Variants in DPP6 observed in about 807,000 individuals in gnomAD.
The protein encoded by DPP6 is A-type potassium channel modulatory protein DPP6.
DPP6 carries 69 observed loss-of-function variants against 122.6 expected under a neutral mutation model. The ratio of observed to expected loss-of-function variants is 0.56; its 90% CI spans 0.46 to 0.69. DPP6 has a LOEUF of 0.69. DPP6 is among the 30% of genes least tolerant of loss of function. DPP6 has a pLI of 0.00. For missense variants in DPP6, 928 were observed against 1,116.9 expected (o/e 0.83, Z 2.41); for synonymous variants, 418 against 433.1 (o/e 0.97, Z 0.43).
chr7:154,634,575 G>GTTT (rs1835612608), intron 5 of DPP6, among the ~76,000 whole-genome samples: 1 of 151,956 alleles, frequency 6.6e-6, no homozygotes, highest in East Asian at 1.9e-4. Context: ...GTTTGGTTTG[G>GTTT]GGGTTTCTTG....
chr7:154,229,596 A>C (rs1388063823), intron 1 of DPP6, among the ~76,000 whole-genome samples: 1 of 152,238 alleles, frequency 6.6e-6, no homozygotes, highest in Non-Finnish European at 1.5e-5. Context: ...CTTCAGCATC[A>C]TCTTGTCTCC....
At chr7:154,232,872 G>A (rs777967872) in intron 1 of DPP6, among the ~76,000 whole-genome samples, 37 of 152,184 alleles carry the variant, frequency 2.4e-4, no homozygotes, top group Non-Finnish European at 4.7e-4. Flanking sequence ...CGGGAGGAAC[G>A]CAGATGGAAA....
chr7:154,613,901 A>G (rs987278259), intron 5 of DPP6, among the ~76,000 whole-genome samples: 2 of 152,206 alleles, frequency 1.3e-5, no homozygotes, highest in African/African-American at 2.4e-5. Context: ...TCAGCATGCA[A>G]CCACATGGCC....
intron 5 of DPP6, among the ~76,000 whole-genome samples, chr7:154,608,319 TCATATATATA>T (rs1833687440): frequency 1.2e-5 from 1 of 81,298 alleles, no homozygotes; most frequent in Admixed American, 1.5e-4. Flanking sequence ...TTAGGAGTGA[TCATATATATA>T]TATATATATA....
At chr7:153,773,007 G>T in the DPP6 span, among the ~76,000 whole-genome samples, 1 of 106,390 alleles carries the variant, frequency 9.4e-6, no homozygotes. Flanking sequence ...TAAAAGAAAA[G>T]ACATATATTA....
the DPP6 span, among the ~76,000 whole-genome samples, chr7:153,824,284 G>C: frequency 1.4e-4 from 21 of 151,542 alleles, no homozygotes; most frequent in Non-Finnish European, 2.6e-4. Flanking sequence ...CTACTGGGGA[G>C]GCTGAGGCAA....
chr7:153,848,100 G>A, the DPP6 span, among the ~76,000 whole-genome samples: 2 of 152,150 alleles, frequency 1.3e-5, no homozygotes, highest in Non-Finnish European at 2.9e-5. Flanking sequence ...AGGGGACCGG[G>A]CCACTCAGAC....
chr7:154,032,845 C>A (rs1317675327), intron 1 of DPP6, among the ~76,000 whole-genome samples: 1 of 148,508 alleles, frequency 6.7e-6, no homozygotes, highest in East Asian at 2.1e-4. Context: ...CACCCCCCAC[C>A]GACCCCATCC....
At chr7:154,089,839 T>G (rs1198589028) in intron 1 of DPP6, among the ~76,000 whole-genome samples, 1 of 152,104 alleles carries the variant, frequency 6.6e-6, no homozygotes, top group Non-Finnish European at 1.5e-5. Flanking sequence ...AGTAGCAGAT[T>G]TCACTAGCAC....
At chr7:153,864,168 CACA>C in the DPP6 span, among the ~76,000 whole-genome samples, 1 of 152,180 alleles carries the variant, frequency 6.6e-6, no homozygotes, top group South Asian at 2.1e-4. Flanking sequence ...GACTGTGTTT[CACA>C]ACAACTTCAC....
intron 7 of DPP6, among the ~76,000 whole-genome samples, chr7:154,670,914 T>A (rs1344242901): frequency 6.6e-6 from 1 of 152,186 alleles, no homozygotes; most frequent in Non-Finnish European, 1.5e-5. Context: ...TTAACATGTC[T>A]CTAATGCTAA....
At chr7:154,374,509 C>T (rs1812947883) in intron 1 of DPP6, among the ~76,000 whole-genome samples, 1 of 152,140 alleles carries the variant, frequency 6.6e-6, no homozygotes, top group Non-Finnish European at 1.5e-5. Flanking sequence ...CAACCGTGTT[C>T]ACTCATGCTT....
chr7:154,880,012 A>C (rs1385563004), intron 20 of DPP6, among the ~76,000 whole-genome samples: 2 of 152,236 alleles, frequency 1.3e-5, no homozygotes, highest in Non-Finnish European at 2.9e-5. Flanking sequence ...ATAAGGGTTG[A>C]GAAAAGAAAT....
chr7:154,333,452 G>A lies in DPP6; in HGVS notation c.244-112762G>A, dbSNP rs57689483. Among the ~76,000 whole-genome samples, 642 of 152,262 alleles carry A rather than the reference G, an allele frequency of 4.2e-3. 4 individuals carry two copies. Among genetic ancestry groups the A allele is most frequent in the African/African-American group, 0.015 (609 of 41,552 alleles). ...TCTGTACTTAAATCGTGAACTGCTA[G>A]CACTATCGATTAATGCTTTATACAG... On this transcript the variant is annotated intron_variant, in intron 1 of 25. Transcript: ENST00000377770.
chr7:154,678,419 C>A (rs1209022792), intron 7 of DPP6, among the ~76,000 whole-genome samples: 1 of 151,924 alleles, frequency 6.6e-6, no homozygotes, highest in African/African-American at 2.4e-5. Context: ...CAGGGAAGAA[C>A]AAACAACTCT....
intron 15 of DPP6, among the ~76,000 whole-genome samples, chr7:154,806,650 C>T (rs1245918349): frequency 2.6e-5 from 4 of 152,228 alleles, no homozygotes; most frequent in African/African-American, 9.7e-5. Flanking sequence ...AGGACACGTG[C>T]AGATAGAGTG....
rs1799732724 is a variant in DPP6 at position 154,821,183 on chromosome 7, G to A, written c.1666+14071G>A. Among the ~76,000 whole-genome samples, 1 of 152,216 alleles carries A rather than the reference G, an allele frequency of 6.6e-6. No homozygotes were observed. The highest frequency in any genetic ancestry group is 6.5e-5 in the Admixed American group (1 of 15,284). On this transcript the variant is annotated intron_variant, in intron 16 of 25. Transcript: ENST00000377770. The surrounding 1 kb of genome is among the most constrained non-coding windows in gnomAD (Gnocchi z 4.2). ...GCTGTGAATTGTGTTTCCCTAAACTGTGTTGGCTGCTAGAGAGCTTAGCAT... is the reference window on the plus strand; with the variant it reads ...GCTGTGAATTGTGTTTCCCTAAACTATGTTGGCTGCTAGAGAGCTTAGCAT...
intron 1 of DPP6, among the ~76,000 whole-genome samples, chr7:154,345,354 A>G (rs762668973): frequency 9.9e-5 from 15 of 152,164 alleles, no homozygotes; most frequent in Non-Finnish European, 1.6e-4. Context: ...CATGGAATTG[A>G]GGGGGCACAC....
At chr7:154,763,979 A>G (rs1795739561) in intron 8 of DPP6, among the ~76,000 whole-genome samples, 1 of 148,536 alleles carries the variant, frequency 6.7e-6, no homozygotes, top group South Asian at 2.2e-4. Context: ...CACCTTGCAC[A>G]GACCTGTGGA....
Sources: gnomAD v4.1 joint callset for allele counts (sites outside exome capture counted in the v4.1 genomes callset) on GRCh38, gnomAD v4.1.1 for gene constraint, Gnocchi (gnomAD v3.1) non-coding constraint, MANE v1.5 for transcripts, NCBI Gene and HGNC (gene_info 2026-07-23, HGNC 2026-07-21) for gene names.